The following NXPH1 variants were observed in gnomAD, a reference collection of about 807,000 sequenced individuals.
NXPH1 encodes the protein neurexophilin-1.
A neutral mutation model predicts 23.7 loss-of-function variants in NXPH1; 5 were observed. The ratio of observed to expected loss-of-function variants is 0.21; its 90% CI spans 0.11 to 0.44. NXPH1 has a LOEUF of 0.44. NXPH1 is among the 20% of genes least tolerant of loss of function. NXPH1 has a pLI of 0.99. For missense variants in NXPH1, 324 were observed against 321.6 expected, an observed-to-expected ratio of 1.01 and a Z score of -0.06; for synonymous variants, 144 against 122.2, an observed-to-expected ratio of 1.18 and a Z score of -1.18.
chr7:8,620,195 A>G lies in NXPH1; in HGVS notation c.55-130813A>G, dbSNP rs139492676. On this transcript the variant is annotated intron_variant, in intron 2 of 2. Coordinates refer to ENST00000405863, the MANE Select transcript of NXPH1 (RefSeq NM_152745.3). ...AAGCACAGTTCTAACATATAATGGA[A>G]AAAGACCTGATTAAGTCACTCAGTG... 2.8e-3 allele frequency among the ~76,000 whole-genome samples: 424 copies of G among 152,334 alleles called. 7 individuals are homozygous for G. Among genetic ancestry groups the G allele is most frequent in the Non-Finnish European group, 2.4e-3 (166 of 68,026 alleles).
intron 2 of NXPH1, among the ~76,000 whole-genome samples, chr7:8,718,915 G>C (rs1779920504): frequency 6.6e-6 from 1 of 152,186 alleles, no homozygotes; most frequent in Non-Finnish European, 1.5e-5. Flanking sequence ...TGAGGAAGCA[G>C]GGTACAGTCT....
chr7:8,438,835 G>GT (rs931296293), intron 2 of NXPH1, among the ~76,000 whole-genome samples: 23 of 152,210 alleles, frequency 1.5e-4, no homozygotes, highest in Admixed American at 4.6e-4. Flanking sequence ...GGATTTTTGT[G>GT]TTTTTTGAGA....
At chr7:8,735,206 C>G (rs1780227956) in intron 2 of NXPH1, among the ~76,000 whole-genome samples, 2 of 152,112 alleles carry the variant, frequency 1.3e-5, no homozygotes, top group Admixed American at 1.3e-4. Flanking sequence ...GTGAGGGCAT[C>G]CTTGTCTTGT....
Position 8,562,834 on chromosome 7 carries a change from A to C in NXPH1, c.54+127067A>C, listed in dbSNP as rs1003203833. Reference sequence around the variant, plus strand: ...TATTTCAAAAAGATTGAAAAAACATATCTCTAGTTATCTCTGAGTGGTGAG... The same window carrying C: ...TATTTCAAAAAGATTGAAAAAACATCTCTCTAGTTATCTCTGAGTGGTGAG... On this transcript the variant is annotated intron_variant, in intron 2 of 2. Transcript: ENST00000405863. Among the ~76,000 whole-genome samples the C allele has an allele frequency of 2.6e-5, 4 of 151,716 alleles. No homozygotes were observed. The East Asian group carries it at 7.8e-4, about 30-fold the overall frequency.
chr7:8,544,131 C>T (rs1818160436), intron 2 of NXPH1, among the ~76,000 whole-genome samples: 1 of 151,602 alleles, frequency 6.6e-6, no homozygotes, highest in Admixed American at 6.6e-5. Flanking sequence ...GTTAGTCACA[C>T]AAGTGAGAAG....
intron 2 of NXPH1, among the ~76,000 whole-genome samples, chr7:8,695,715 A>G (rs760484116): frequency 2.0e-5 from 3 of 152,204 alleles, no homozygotes; most frequent in Non-Finnish European, 2.9e-5. Flanking sequence ...TACCATTGAC[A>G]AGAACTGTCA....
At chr7:8,634,345 T>C (rs549015502) in intron 2 of NXPH1, among the ~76,000 whole-genome samples, 2 of 152,276 alleles carry the variant, frequency 1.3e-5, no homozygotes, top group East Asian at 3.9e-4. Flanking sequence ...TCCTTCACCT[T>C]CCACCATGAT....
intron 2 of NXPH1, among the ~76,000 whole-genome samples, chr7:8,526,324 A>T (rs1292151411): frequency 6.6e-6 from 1 of 152,164 alleles, no homozygotes; most frequent in South Asian, 2.1e-4. Context: ...GTATCTAGGA[A>T]GTAACTAGCT....
intron 2 of NXPH1, among the ~76,000 whole-genome samples, chr7:8,601,417 C>A (rs1448657635): frequency 6.6e-6 from 1 of 152,114 alleles, no homozygotes; most frequent in African/African-American, 2.4e-5. Context: ...AAAGACAATG[C>A]TACCAAACTG....
chr7:8,750,976 A>C (rs748479673), intron 2 of NXPH1, 32 bp from the exon 3 acceptor site: 1 of 1,605,864 alleles, frequency 6.2e-7, no homozygotes, highest in South Asian at 1.1e-5. Flanking sequence ...AGATGCAGAG[A>C]TGTAAATGCC....
intron 2 of NXPH1, among the ~76,000 whole-genome samples, chr7:8,673,274 G>T (rs112937545): frequency 0.019 from 2,921 of 152,114 alleles, 50 homozygotes; most frequent in Middle Eastern, 0.045. Context: ...ATAAAAGCAG[G>T]CATTATTAAC....
rs568399645 is a variant in NXPH1, at chr7:8,643,667, C to G, written c.55-107341C>G. On this transcript the variant is annotated intron_variant, in intron 2 of 2. Transcript: ENST00000405863. Reference sequence around the variant, plus strand: ...CGAACAAGATTTCTCTATATACCTACTTATTGTAAGCTTACTAATTATTGT... The same window carrying G: ...CGAACAAGATTTCTCTATATACCTAGTTATTGTAAGCTTACTAATTATTGT... Among the ~76,000 whole-genome samples the G allele has an allele frequency of 6.6e-5, 10 of 152,250 alleles. No homozygotes were observed. The South Asian group carries it at 1.9e-3, about 28-fold the overall frequency.
At chr7:8,740,230 A>T (rs545263449) in intron 2 of NXPH1, among the ~76,000 whole-genome samples, 2 of 152,190 alleles carry the variant, frequency 1.3e-5, no homozygotes, top group African/African-American at 4.8e-5. Flanking sequence ...TTTATGCCTT[A>T]TATTTGTAGC....
chr7:8,481,105 G>T (rs1817065956), intron 2 of NXPH1, among the ~76,000 whole-genome samples: 1 of 152,152 alleles, frequency 6.6e-6, no homozygotes, highest in Non-Finnish European at 1.5e-5. Flanking sequence ...GATGTTGGTT[G>T]AGAGTTCTGA....
At chr7:8,732,389 C>G (rs1241811673) in intron 2 of NXPH1, among the ~76,000 whole-genome samples, 2 of 152,176 alleles carry the variant, frequency 1.3e-5, no homozygotes, top group Non-Finnish European at 2.9e-5. Flanking sequence ...TCATTCTAGA[C>G]AGAGTTGCAC....
intron 2 of NXPH1, among the ~76,000 whole-genome samples, chr7:8,735,735 G>T (rs939797318): frequency 2.0e-5 from 3 of 152,020 alleles, no homozygotes; most frequent in African/African-American, 7.2e-5. Flanking sequence ...TTTGTACCTC[G>T]GTAGAATGCT....
chr7:8,595,781 T>G (rs1026459987), intron 2 of NXPH1, among the ~76,000 whole-genome samples: 4 of 151,950 alleles, frequency 2.6e-5, no homozygotes, highest in African/African-American at 9.7e-5. Flanking sequence ...CTTTTGAATT[T>G]TTCAAGTTTC....
chr7:8,698,437 G>A (rs1478894237), intron 2 of NXPH1, among the ~76,000 whole-genome samples: 1 of 151,974 alleles, frequency 6.6e-6, no homozygotes, highest in African/African-American at 2.4e-5. Context: ...TGCCACCCCT[G>A]GTATTTAAAT....
rs1010203911 is a variant in NXPH1 at position 8,583,734 on chromosome 7, G to A, written c.54+147967G>A. ...AACAGTGGTTCACAGACATTTGCCA[G>A]GTGGTCAGGACTTGAGAACTGACAA... is the stretch of plus-strand genomic sequence containing the variant. On this transcript the variant is annotated intron_variant, in intron 2 of 2. Transcript: ENST00000405863. 6.6e-5 allele frequency among the ~76,000 whole-genome samples: 10 copies of A among 152,276 alleles called. No individual in the cohort carries two copies. The South Asian group carries it at 2.1e-3, about 32-fold the overall frequency.
Sources: gnomAD v4.1 joint callset for allele counts (sites outside exome capture counted in the v4.1 genomes callset) on GRCh38, gnomAD v4.1.1 for gene constraint, MANE v1.5 for transcripts, NCBI Gene and HGNC (gene_info 2026-07-23, HGNC 2026-07-21) for gene names.